The following CLPX variants were observed in gnomAD, a reference collection of about 807,000 sequenced individuals.
CLPX encodes ATP-dependent clpX-like chaperone, mitochondrial.
A neutral mutation model predicts 76.4 loss-of-function variants in CLPX; 34 were observed. The observed-to-expected ratio is 0.45, with a 90% CI of 0.34 to 0.59. CLPX has a LOEUF of 0.59. CLPX is among the 20% of genes least tolerant of loss of function. The probability of loss-of-function intolerance (pLI) is 0.01; values close to 1 mark genes in which losing one functional copy is unlikely to be tolerated. For synonymous variants in CLPX, 248 were observed against 270.9 expected, an observed-to-expected ratio of 0.92 and a Z score of 0.83; for missense variants, 613 against 757.0, an observed-to-expected ratio of 0.81 and a Z score of 2.23.
chr15:65,166,001 G>C (rs903954546), intron 4 of CLPX, among the ~76,000 whole-genome samples: 1 of 152,046 alleles, frequency 6.6e-6, no homozygotes, highest in Non-Finnish European at 1.5e-5. Flanking sequence ...ACATAGCCAG[G>C]GTACAAGGGT....
At chr15:65,156,986 G>T in intron 8 of CLPX, 54 bp from the exon 9 acceptor site, 1 of 1,188,964 alleles carries the variant, frequency 8.4e-7, no homozygotes, top group Non-Finnish European at 1.2e-6. Flanking sequence ...ACACAAGATA[G>T]CCTCAGCTTT....
At chr15:65,153,441 G>C (rs954631782) in intron 12 of CLPX, 106 bp downstream of exon 12, 7 of 734,244 alleles carry the variant, frequency 9.5e-6, no homozygotes, top group Non-Finnish European at 9.2e-6. Flanking sequence ...TTGAGACTCT[G>C]TCTCAAAATA....
chr15:65,150,965 A>G (rs2087711933), intron 13 of CLPX, 52 bp from the exon 14 acceptor site: 2 of 1,298,572 alleles, frequency 1.5e-6, no homozygotes, highest in Non-Finnish European at 2.2e-6. Flanking sequence ...GGAGGTAAAC[A>G]TGATCTTTAA....
At chr15:65,170,369 A>G (rs1184101301) in intron 3 of CLPX, among the ~76,000 whole-genome samples, 1 of 152,170 alleles carries the variant, frequency 6.6e-6, no homozygotes, top group Non-Finnish European at 1.5e-5. Flanking sequence ...AATTTTAAAT[A>G]TAAATATCTA....
chr15:65,173,025 A>G (rs920786832), intron 3 of CLPX, among the ~76,000 whole-genome samples: 18 of 152,158 alleles, frequency 1.2e-4, no homozygotes, highest in Non-Finnish European at 1.5e-4. Context: ...TAAAAACAAA[A>G]TAAAACCAAA....
At chr15:65,163,251 T>C (rs1249821165) in intron 5 of CLPX, among the ~76,000 whole-genome samples, 4 of 152,218 alleles carry the variant, frequency 2.6e-5, no homozygotes, top group Admixed American at 1.3e-4. Context: ...CCGTTAGTTA[T>C]GACTTATACT....
At chr15:65,182,737 G>A (rs1165063706) in intron 1 of CLPX, among the ~76,000 whole-genome samples, 1 of 152,198 alleles carries the variant, frequency 6.6e-6, no homozygotes. Context: ...AGCCAAAAAA[G>A]AGAAGTGTTT....
intron 1 of CLPX, 33 bp downstream of exon 1, chr15:65,185,042 G>A: frequency 6.5e-7 from 1 of 1,527,816 alleles, no homozygotes; most frequent in Non-Finnish European, 8.9e-7. Flanking sequence ...CCCCCGACAG[G>A]CTGAGGGCTC....
In CLPX at chr15:65,180,216, A is replaced by C; in HGVS notation, c.80-12T>G. 1 of 1,578,578 alleles carries C rather than the reference A, an allele frequency of 6.3e-7. No individual in the cohort carries two copies. On this transcript the variant is annotated splice_polypyrimidine_tract_variant and intron_variant, in intron 1 of 13. Transcript: ENST00000300107. ...ACCACCAGAAATACCTGAAAATAAAAGGAAATCTACATCAAATATAGACAT... is the reference window on the plus strand; with the variant it reads ...ACCACCAGAAATACCTGAAAATAAACGGAAATCTACATCAAATATAGACAT...
At chr15:65,184,942 G>C (rs1218976360) in intron 1 of CLPX, 133 bp downstream of exon 1, 3 of 748,318 alleles carry the variant, frequency 4.0e-6, no homozygotes, top group Non-Finnish European at 6.9e-6. Context: ...GTGGGTGCCG[G>C]GCGAAGCGCC....
In CLPX at chr15:65,150,817, G is replaced by A. The variant is rs375348760; in HGVS notation, c.*6C>T. The A allele has an allele frequency of 9.0e-5, 144 of 1,596,436 alleles. No homozygotes were observed. Among genetic ancestry groups the A allele is most frequent in the Middle Eastern group, 1.7e-4 (1 of 6,020 alleles). On this transcript the variant is annotated 3_prime_UTR_variant, in exon 14 of 14. Coordinates refer to ENST00000300107, the MANE Select transcript of CLPX (RefSeq NM_006660.5). ...AGCTGTATATACAAGACAGCAATAT[G>A]ACAGTTTAGCTGTTTGCAGCATCTG...
Position 65,153,551 on chromosome 15 carries a change from A to G in CLPX, c.1700T>C (p.Ile567Thr). 2 of 1,580,970 alleles carry G rather than the reference A, an allele frequency of 1.3e-6. No individual in the cohort carries two copies. Among genetic ancestry groups the G allele is most frequent in the Non-Finnish European group, 1.7e-6 (2 of 1,157,850 alleles). ...TATAGAATAATGCCAACTCACCATT[A>G]TGGACCGAAGGCCTCGTGCACCTGT... ...RKTGARGLRS[I>T]MEKLLLEPMF... Residue 567 changes from isoleucine to threonine, a missense_variant, in exon 12 of 14, where the codon ATA becomes ACA. Physicochemically the swap from Ile to Thr is moderately conservative, Grantham distance 89 (BLOSUM62 -1). Coordinates refer to ENST00000300107, the MANE Select transcript of CLPX (RefSeq NM_006660.5).
At position 65,181,793 on chromosome 15, in the gene CLPX, T is replaced by TAAAG. The variant is rs1239868917; in HGVS notation, c.80-1593_80-1590dup. Among the ~76,000 whole-genome samples, 8 of 120,856 alleles carry TAAAG rather than the reference T, an allele frequency of 6.6e-5. No individual in the cohort carries two copies. The South Asian group carries it at 8.2e-4, about 12-fold the overall frequency. 79.3% of individuals were successfully genotyped at this position (120,856 alleles called of 152,430 possible). On this transcript the variant is annotated intron_variant, in intron 1 of 13. Coordinates refer to ENST00000300107, the MANE Select transcript of CLPX (RefSeq NM_006660.5). ...ATAAATAAATAAATAAATAAATAAA[T>TAAAG]AAAGATAGTATCAATCCCAAAAGTA...
rs528040637 is a variant in CLPX, at chr15:65,152,206, G to A, written c.1811+224C>T. ...GCCTCCTGAAGTGCTGGGATTACAG[G>A]TGTGAGCCACCACACCCGGCCTGAT... On this transcript the variant is annotated intron_variant, in intron 13 of 13. Coordinates refer to ENST00000300107, the MANE Select transcript of CLPX (RefSeq NM_006660.5). Among the ~76,000 whole-genome samples the A allele has an allele frequency of 2.6e-5, 4 of 152,260 alleles. No homozygotes were observed. In the South Asian group the frequency reaches 6.2e-4, roughly 24 times the overall value.
intron 3 of CLPX, among the ~76,000 whole-genome samples, chr15:65,168,835 G>A (rs2087956756): frequency 6.6e-6 from 1 of 151,292 alleles, no homozygotes. Flanking sequence ...TATATCCTAT[G>A]TTAAAGGTGA....
At chr15:65,179,554 T>C (rs1347824555) in intron 2 of CLPX, among the ~76,000 whole-genome samples, 1 of 152,162 alleles carries the variant, frequency 6.6e-6, no homozygotes, top group Admixed American at 6.5e-5. Flanking sequence ...ATTCACGTAA[T>C]GAAAAAAACT....
intron 3 of CLPX, among the ~76,000 whole-genome samples, chr15:65,171,512 A>C (rs2088006872): frequency 6.6e-6 from 1 of 152,196 alleles, no homozygotes. Flanking sequence ...GGTTTCATCC[A>C]TGTTTCCTAT....
At chr15:65,177,167 C>A (rs1185839825) in intron 3 of CLPX, among the ~76,000 whole-genome samples, 2 of 151,940 alleles carry the variant, frequency 1.3e-5, no homozygotes, top group Non-Finnish European at 2.9e-5. Context: ...CTCCCAGGTT[C>A]AAGAGATTCT....
intron 1 of CLPX, among the ~76,000 whole-genome samples, chr15:65,183,501 CAGAA>C (rs1357713516): frequency 8.1e-5 from 10 of 123,608 alleles, no homozygotes; most frequent in African/African-American, 2.7e-4. Context: ...ATAAGACAGA[CAGAA>C]AGACAGATAG....
Sources: allele counts gnomAD v4.1 joint callset (sites outside exome capture counted in the v4.1 genomes callset), GRCh38; gene constraint gnomAD v4.1.1; transcripts MANE v1.5; gene names NCBI Gene and HGNC (gene_info 2026-07-23, HGNC 2026-07-21).